SMTNL2: variants seen among roughly 807,000 people sequenced by gnomAD.
The protein encoded by SMTNL2 is smoothelin-like protein 2.
SMTNL2 carries 43 observed loss-of-function variants against 44.1 expected under a neutral mutation model. The ratio of observed to expected loss-of-function variants is 0.98; its 90% confidence interval spans 0.76 to 1.26. The LOEUF (loss-of-function observed/expected upper bound fraction) is 1.26, where lower values mean the gene tolerates loss of function less well. Ranked by LOEUF, SMTNL2 falls within the 50% of genes most tolerant of loss-of-function variation. SMTNL2 has a pLI of 0.00. For missense variants in SMTNL2, 646 were observed against 670.2 expected, an observed-to-expected ratio of 0.96 and a Z score of 0.40; for synonymous variants, 317 against 287.6, an observed-to-expected ratio of 1.10 and a Z score of -1.03.
intron 4 of SMTNL2, 179 bp from the exon 5 acceptor site, chr17:4,594,966 C>T (rs1292276315): frequency 2.5e-6 from 2 of 793,590 alleles, no homozygotes; most frequent in Non-Finnish European, 4.0e-6. Flanking sequence ...TCCCTCCAGC[C>T]AGCACAATTC....
intron 4 of SMTNL2, chr17:4,594,919 C>T (rs1468825752): frequency 1.5e-5 from 9 of 607,676 alleles, no homozygotes; most frequent in East Asian, 1.1e-4. Context: ...ATGTCCAGAT[C>T]GGGCCCAGCG....
rs753950451 is a variant in SMTNL2 at position 4,605,153 on chromosome 17, G to GTTT, written c.1260-2184_1260-2182dup. ...GAATAATCTCTGACTTTTTTGTTTG[G>GTTT]TTTTTTTTTTTTTTTTTTTTTTTTT... On this transcript the variant is annotated intron_variant, in intron 7 of 7. Coordinates refer to ENST00000389313, the MANE Select transcript of SMTNL2 (RefSeq NM_001114974.2). Among the ~76,000 whole-genome samples, 455 of 82,242 alleles carry GTTT rather than the reference G, an allele frequency of 5.5e-3. 65 individuals are homozygous for GTTT. Among genetic ancestry groups the GTTT allele is most frequent in the African/African-American group, 0.018 (326 of 18,498 alleles). 54.0% of individuals were successfully genotyped at this position (82,242 alleles called of 152,430 possible). A position where few individuals can be genotyped will look rare whatever the true frequency, so the allele number is the denominator to read the frequency against.
rs536993103 is a variant in SMTNL2 at position 4,584,736 on chromosome 17, G to T, written c.131G>T (p.Arg44Leu). The T allele has an allele frequency of 1.5e-6, 2 of 1,307,862 alleles. No individual in the cohort carries two copies. The highest frequency in any genetic ancestry group is 1.5e-5 in the African/African-American group (1 of 64,570). The allele number at this position is 1,307,862 out of a possible 1,614,324, so 81.0% of individuals were successfully genotyped here. A position where few individuals can be genotyped will look rare whatever the true frequency, so the allele number is the denominator to read the frequency against. ...CGGGGGCTGCAGCGCGGCGTGGAGCGGCGAGTGGCAGAGGCGATGCGCCTG... is the reference window on the plus strand; with the variant it reads ...CGGGGGCTGCAGCGCGGCGTGGAGCTGCGAGTGGCAGAGGCGATGCGCCTG... ...DMRGLQRGVERRVAEAMRLAG... is the reference protein window; with the variant it reads ...DMRGLQRGVELRVAEAMRLAG... The change falls in exon 1 of 8, where the codon CGG becomes CTG. Residue 44 changes from arginine (R) to leucine (L), a missense_variant. Transcript: ENST00000389313.
At position 4,589,362 on chromosome 17, in the gene SMTNL2, C is replaced by T. The variant is rs137940153; in HGVS notation, c.400-2999C>T. On this transcript the variant is annotated intron_variant, in intron 1 of 7. Transcript: ENST00000389313. ...CGAGAGCAGGGTGGGTGAGGGGGCACGGAGACCCCAGAGCCTGGTGACTGT... is the reference window on the plus strand; with the variant it reads ...CGAGAGCAGGGTGGGTGAGGGGGCATGGAGACCCCAGAGCCTGGTGACTGT... Among the ~76,000 whole-genome samples, 25 of 152,168 alleles carry T rather than the reference C, an allele frequency of 1.6e-4. No homozygotes were observed. The East Asian group carries it at 2.3e-3, about 14-fold the overall frequency.
Position 4,598,136 on chromosome 17 carries a change from CTGA to C in SMTNL2, c.1259+815_1259+817del, listed in dbSNP as rs1365516334. ...CCGTGGCCTGGGTGCGGAGGACTGTCTGATAAGAGCTGCGCTTTGGGCAAATGG... is the reference window on the plus strand; with the variant it reads ...CCGTGGCCTGGGTGCGGAGGACTGTCTAAGAGCTGCGCTTTGGGCAAATGG... On this transcript the variant is annotated intron_variant, in intron 7 of 7. Transcript: ENST00000389313. The surrounding 1 kb of genome is among the most constrained non-coding windows in gnomAD (Gnocchi z 4.8). 6.6e-6 allele frequency among the ~76,000 whole-genome samples: 1 copy of C among 152,214 alleles called. No individual in the cohort carries two copies. Among genetic ancestry groups the C allele is most frequent in the Non-Finnish European group, 1.5e-5 (1 of 68,042 alleles).
chr17:4,590,394 G>A (rs553675427), intron 1 of SMTNL2, among the ~76,000 whole-genome samples: 23 of 152,166 alleles, frequency 1.5e-4, no homozygotes, highest in Admixed American at 2.0e-4. Context: ...TGAAATGTGG[G>A]GGCCTCATCC....
chr17:4,601,154 A>G (rs1910013439), intron 7 of SMTNL2, among the ~76,000 whole-genome samples: 1 of 152,200 alleles, frequency 6.6e-6, no homozygotes, highest in African/African-American at 2.4e-5. Flanking sequence ...CATGCCTGCG[A>G]TCCAATCCCA....
chr17:4,594,776 C>T (rs1909736563), intron 4 of SMTNL2, among the ~76,000 whole-genome samples: 1 of 150,994 alleles, frequency 6.6e-6, no homozygotes, highest in Non-Finnish European at 1.5e-5. Flanking sequence ...CTGGGGAAAA[C>T]AAAGGGGGTC....
intron 4 of SMTNL2, 101 bp downstream of exon 4, chr17:4,593,998 T>A (rs2150521549): frequency 7.9e-7 from 1 of 1,261,270 alleles, no homozygotes; most frequent in Non-Finnish European, 1.1e-6. Context: ...TGGTGCCTCC[T>A]GGTAAGGCTC....
At position 4,595,562 on chromosome 17, in the gene SMTNL2, G is replaced by T. The variant is rs1344601883; in HGVS notation, c.989+235G>T. On this transcript the variant is annotated intron_variant, in intron 5 of 7. Transcript: ENST00000389313. The surrounding 1 kb of genome is among the most constrained non-coding windows in gnomAD (Gnocchi z 5.1). ...GGCTGTGAGGCAGGGAGCCAGGAAG[G>T]CTTGGTGAGAGCCCCTCTCTCCTCC... Among the ~76,000 whole-genome samples the T allele has an allele frequency of 6.6e-6, 1 of 152,252 alleles. No homozygotes were observed. The highest frequency in any genetic ancestry group is 1.5e-5 in the Non-Finnish European group (1 of 68,040).
chr17:4,587,192 C>T (rs549610083), intron 1 of SMTNL2, among the ~76,000 whole-genome samples: 12 of 152,252 alleles, frequency 7.9e-5, no homozygotes, highest in African/African-American at 2.6e-4. Context: ...CCCAGGCACC[C>T]AGGGGCATGA....
At chr17:4,597,760 A>G (rs1909877250) in intron 7 of SMTNL2, among the ~76,000 whole-genome samples, 1 of 152,154 alleles carries the variant, frequency 6.6e-6, no homozygotes. Context: ...ACTTAAAAGG[A>G]GATTTTTGCT....
intron 7 of SMTNL2, among the ~76,000 whole-genome samples, chr17:4,603,486 C>G (rs1042775789): frequency 3.3e-5 from 5 of 152,190 alleles, no homozygotes; most frequent in African/African-American, 1.2e-4. Context: ...GGGTTCTGAG[C>G]TGTCCTTGGA....
chr17:4,602,571 C>G (rs1910095088), intron 7 of SMTNL2, among the ~76,000 whole-genome samples: 1 of 151,896 alleles, frequency 6.6e-6, no homozygotes, highest in South Asian at 2.1e-4. Context: ...GATCCTCTCG[C>G]CTCAGCCTCC....
At chr17:4,594,830 C>T (rs1226850708) in intron 4 of SMTNL2, among the ~76,000 whole-genome samples, 1 of 152,058 alleles carries the variant, frequency 6.6e-6, no homozygotes, top group Non-Finnish European at 1.5e-5. Context: ...CCCTCCGGGG[C>T]TGGTTCTGAG....
Position 4,594,491 on chromosome 17 carries a change from C to CA in SMTNL2, c.806+601dup, listed in dbSNP as rs1326539591. ...AATAAATAAATAAATGAATAAAAAA[C>CA]AAAAAAATATTGGAGGAGGCCTCTC... On this transcript the variant is annotated intron_variant, in intron 4 of 7. Coordinates refer to ENST00000389313, the MANE Select transcript of SMTNL2 (RefSeq NM_001114974.2). Among the ~76,000 whole-genome samples the CA allele has an allele frequency of 1.0e-4, 15 of 150,364 alleles. No homozygotes were observed. In the South Asian group the frequency reaches 1.7e-3, roughly 17 times the overall value.
At position 4,597,044 on chromosome 17, in the gene SMTNL2, G is replaced by A. The variant is rs1266315548; in HGVS notation, c.1107+67G>A. ...AAAAGCTTGACCAAGCGTCGCCCCT[G>A]TCCTTGTTCTCCCGCCTGGGCAGGA... On this transcript the variant is annotated intron_variant, in intron 6 of 7. Transcript: ENST00000389313. 2.8e-5 allele frequency: 42 copies of A among 1,487,906 alleles called. No individual in the cohort carries two copies. The South Asian group carries it at 5.2e-4, about 18-fold the overall frequency. The allele number at this position is 1,487,906 out of a possible 1,614,324, so 92.2% of individuals were successfully genotyped here. A position where few individuals can be genotyped will look rare whatever the true frequency, so the allele number is the denominator to read the frequency against.
rs766815634 is a variant in SMTNL2, at chr17:4,607,423, C to T, written c.1322C>T (p.Pro441Leu). Residue 441 changes from proline (P) to leucine (L), a missense_variant, in exon 8 of 8, where the codon CCG becomes CTG. Transcript: ENST00000389313. The surrounding 1 kb of genome is among the most constrained non-coding windows in gnomAD (Gnocchi z 4.7). ...GACATGATGGTGATGGGCCGCAAGC[C>T]GGACCCCATGTGTGTCTTCACCTAC... The part of the protein sequence containing the change: ...VEDMMVMGRK[P>L]DPMCVFTYVQ... 24 of 1,614,084 alleles carry T rather than the reference C, an allele frequency of 1.5e-5. No homozygotes were observed. Among genetic ancestry groups the T allele is most frequent in the South Asian group, 4.4e-5 (4 of 91,088 alleles).
rs1469430976 is a variant in SMTNL2 at position 4,607,615 on chromosome 17, T to C, written c.*128T>C. 6 of 1,429,732 alleles carry C rather than the reference T, an allele frequency of 4.2e-6. No individual in the cohort carries two copies. Among genetic ancestry groups the C allele is most frequent in the Middle Eastern group, 2.2e-4 (1 of 4,586 alleles). The allele number at this position is 1,429,732 out of a possible 1,614,324, so 88.6% of individuals were successfully genotyped here. ...TGAGCGCGCTGTTTGTTCTGTGGCA[T>C]GTGACGGCACTCCCCTTCGAGCCCA... is the stretch of plus-strand genomic sequence containing the variant. On this transcript the variant is annotated 3_prime_UTR_variant, in exon 8 of 8. Coordinates refer to ENST00000389313, the MANE Select transcript of SMTNL2 (RefSeq NM_001114974.2). This position sits in a 1 kb window ranked among gnomAD's most constrained non-coding sequence, Gnocchi z 4.7.
Sources: gnomAD v4.1 joint callset for allele counts (sites outside exome capture counted in the v4.1 genomes callset) on GRCh38, gnomAD v4.1.1 for gene constraint, Gnocchi (gnomAD v3.1) non-coding constraint, MANE v1.5 for transcripts, NCBI Gene and HGNC (gene_info 2026-07-23, HGNC 2026-07-21) for gene names.